Variants in DMXL2 observed in about 807,000 individuals in gnomAD.
DMXL2 encodes Dmx like 2, also known as dmX-like protein 2.
A neutral mutation model predicts 331.1 loss-of-function variants in DMXL2; 103 were observed. The observed-to-expected ratio is 0.31, with a 90% confidence interval of 0.27 to 0.37. The LOEUF is 0.37. DMXL2 is among the 10% of genes least tolerant of loss of function. DMXL2 has a pLI of 1.00. For missense variants in DMXL2, 3,171 were observed against 3,642.9 expected (o/e 0.87, Z 3.33); for synonymous variants, 1,281 against 1,252.1 (o/e 1.02, Z -0.49).
rs754365898 is a variant in DMXL2 at position 51,565,181 on chromosome 15, C to T, written c.286-15G>A. 29 of 1,523,130 alleles carry T rather than the reference C, an allele frequency of 1.9e-5. No homozygotes were observed. Among genetic ancestry groups the T allele is most frequent in the Non-Finnish European group, 2.5e-5 (28 of 1,136,900 alleles). The allele number at this position is 1,523,130 out of a possible 1,614,324, so 94.4% of individuals were successfully genotyped here. On this transcript the variant is annotated splice_polypyrimidine_tract_variant and intron_variant, in intron 3 of 43. Coordinates refer to ENST00000560891, the MANE Select transcript of DMXL2 (RefSeq NM_001378457.1). The stretch of plus-strand genomic sequence containing the variant: ...CACTTGAGTTGCTGAAATACGTAGA[C>T]AAAAAGAAATAAGAAAAAAGAAAAA...
intron 13 of DMXL2, among the ~76,000 whole-genome samples, chr15:51,522,464 G>T (rs2047431581): frequency 6.6e-6 from 1 of 152,102 alleles, no homozygotes; most frequent in African/African-American, 2.4e-5. Context: ...GGCCAATATG[G>T]TGAAACCCCT....
intron 7 of DMXL2, among the ~76,000 whole-genome samples, chr15:51,546,177 C>T (rs2048879257): frequency 6.6e-6 from 1 of 152,058 alleles, no homozygotes; most frequent in South Asian, 2.1e-4. Flanking sequence ...CAGTTACAAA[C>T]AAATAATTAT....
At chr15:51,539,644 A>G (rs2048479993) in intron 9 of DMXL2, among the ~76,000 whole-genome samples, 1 of 152,048 alleles carries the variant, frequency 6.6e-6, no homozygotes, top group African/African-American at 2.4e-5. Context: ...CACTGACTCT[A>G]CAAAAACTAC....
intron 1 of DMXL2, among the ~76,000 whole-genome samples, chr15:51,582,748 A>C (rs1305533417): frequency 1.3e-5 from 2 of 152,172 alleles, no homozygotes; most frequent in African/African-American, 4.8e-5. Context: ...AATCATGTAC[A>C]AGGTAAATAA....
intron 8 of DMXL2, among the ~76,000 whole-genome samples, chr15:51,544,669 A>G (rs569356875): frequency 6.6e-6 from 1 of 152,318 alleles, no homozygotes; most frequent in Non-Finnish European, 1.5e-5. Context: ...TAAACTGTCA[A>G]TGTAAATATA....
rs1309400872 is a variant in DMXL2, at chr15:51,480,047, T to C, written c.6657A>G (p.Ile2219Met). The C allele has an allele frequency of 1.9e-6, 3 of 1,603,998 alleles. No individual in the cohort carries two copies. The highest frequency in any genetic ancestry group is 2.6e-6 in the Non-Finnish European group (3 of 1,172,102). Residue 2219 changes from isoleucine (I) to methionine (M), a missense_variant, in exon 25 of 44, where the codon ATA (isoleucine) becomes ATG (methionine). By Grantham distance (10) the Ile-to-Met change is conservative. Transcript: ENST00000560891. The stretch of plus-strand genomic sequence containing the variant: ...TATTTAAGTACAATACAGGATTAGC[T>C]ATGACTGTTTTTGTTGACGCAATAC... ...SASIASTKTVIANPVLYLNNH... is the reference protein window; with the variant it reads ...SASIASTKTVMANPVLYLNNH...
chr15:51,468,959 A>AAG (rs139561448), intron 29 of DMXL2, among the ~76,000 whole-genome samples: 4,115 of 149,238 alleles, frequency 0.028, 182 homozygotes, highest in African/African-American at 0.092. Context: ...AAGTTAAAAA[A>AAG]AGAGAGAGAG....
chr15:51,577,409 A>T (rs2051120180), intron 1 of DMXL2, among the ~76,000 whole-genome samples: 1 of 152,192 alleles, frequency 6.6e-6, no homozygotes, highest in Admixed American at 6.5e-5. Context: ...CATAACCACT[A>T]TATAAAACAT....
chr15:51,618,064 C>T (rs2054395567), intron 1 of DMXL2, among the ~76,000 whole-genome samples: 2 of 152,206 alleles, frequency 1.3e-5, no homozygotes, highest in African/African-American at 4.8e-5. Flanking sequence ...TGACTTCTGT[C>T]TTTCACTTTC....
intron 1 of DMXL2, among the ~76,000 whole-genome samples, chr15:51,596,841 T>C (rs1159036202): frequency 1.3e-5 from 2 of 152,144 alleles, no homozygotes; most frequent in Non-Finnish European, 2.9e-5. Flanking sequence ...AAACACCGCA[T>C]GTTCTCACTC....
intron 1 of DMXL2, among the ~76,000 whole-genome samples, chr15:51,611,083 C>T (rs1595751047): frequency 6.6e-6 from 1 of 150,812 alleles, no homozygotes; most frequent in East Asian, 1.9e-4. Flanking sequence ...GGAAAAACAG[C>T]ACAATTAATA....
At chr15:51,591,391 G>A (rs537748418) in intron 1 of DMXL2, among the ~76,000 whole-genome samples, 5 of 152,276 alleles carry the variant, frequency 3.3e-5, no homozygotes, top group South Asian at 4.1e-4. Context: ...GGGGAGGGGC[G>A]CCCACCATTG....
chr15:51,472,743 A>T (rs187791833), intron 28 of DMXL2, among the ~76,000 whole-genome samples: 1 of 152,300 alleles, frequency 6.6e-6, no homozygotes, highest in Admixed American at 6.5e-5. Context: ...GCACGAATAT[A>T]CCACACTTTG....
intron 41 of DMXL2, among the ~76,000 whole-genome samples, 181 bp from the exon 42 acceptor site, chr15:51,451,878 C>T (rs948996435): frequency 1.3e-5 from 2 of 152,146 alleles, no homozygotes; most frequent in Admixed American, 6.5e-5. Flanking sequence ...TACACAGTTC[C>T]ATCTCACATG....
chr15:51,506,935 GC>G (rs1432225225), intron 16 of DMXL2, among the ~76,000 whole-genome samples, 198 bp downstream of exon 16: 2 of 151,822 alleles, frequency 1.3e-5, no homozygotes, highest in Non-Finnish European at 2.9e-5. Context: ...TGTCTAATGT[GC>G]CCTTAGGCTG....
At chr15:51,548,638 A>G (rs376308926) in intron 6 of DMXL2, among the ~76,000 whole-genome samples, 1 of 152,060 alleles carries the variant, frequency 6.6e-6, no homozygotes, top group Admixed American at 6.6e-5. Context: ...GAGCCCCAGG[A>G]GCAGGTGATA....
intron 13 of DMXL2, 65 bp downstream of exon 13, chr15:51,535,592 GGTCCTA>G (rs1377111286): frequency 7.1e-7 from 1 of 1,411,884 alleles, no homozygotes. Context: ...AACAAACACA[GGTCCTA>G]GACAAAGTCA....
At chr15:51,556,527 G>A (rs1165874894) in intron 6 of DMXL2, among the ~76,000 whole-genome samples, 1 of 151,322 alleles carries the variant, frequency 6.6e-6, no homozygotes, top group African/African-American at 2.4e-5. Context: ...AATCCCAGCA[G>A]TATGGGAGGC....
At chr15:51,585,441 A>G (rs974990485) in intron 1 of DMXL2, among the ~76,000 whole-genome samples, 8 of 152,190 alleles carry the variant, frequency 5.3e-5, no homozygotes, top group Admixed American at 2.6e-4. Context: ...ATAGCTGCAC[A>G]GTATTAGTAT....
Sources: allele counts gnomAD v4.1 joint callset (sites outside exome capture counted in the v4.1 genomes callset), GRCh38; gene constraint gnomAD v4.1.1; transcripts MANE v1.5; gene names NCBI Gene and HGNC (gene_info 2026-07-23, HGNC 2026-07-21).